Variants in GPC5 observed in about 807,000 individuals in gnomAD.
GPC5 encodes the protein glypican-5.
In GPC5, 47 loss-of-function variants were observed where a neutral mutation model predicts 53.9. The observed-to-expected ratio is 0.87, with a 90% CI of 0.69 to 1.11. The LOEUF (loss-of-function observed/expected upper bound fraction) is 1.11, where lower values mean the gene tolerates loss of function less well. GPC5 is among the 50% of genes most tolerant of loss of function. The pLI is 0.00. For missense variants in GPC5, 748 were observed against 713.1 expected, an observed-to-expected ratio of 1.05 and a Z score of -0.56; for synonymous variants, 286 against 263.3, an observed-to-expected ratio of 1.09 and a Z score of -0.84.
At chr13:91,567,336 G>C (rs1172679780) in intron 2 of GPC5, among the ~76,000 whole-genome samples, 1 of 152,060 alleles carries the variant, frequency 6.6e-6, no homozygotes, top group Non-Finnish European at 1.5e-5. Flanking sequence ...CTTATCTTTT[G>C]TTTAGATGTT....
intron 6 of GPC5, among the ~76,000 whole-genome samples, chr13:91,969,183 G>T (rs2040217383): frequency 6.6e-6 from 1 of 151,736 alleles, no homozygotes; most frequent in Non-Finnish European, 1.5e-5. Flanking sequence ...TGGTCAGGTT[G>T]GTTTTGAACT....
intron 1 of GPC5, among the ~76,000 whole-genome samples, chr13:91,424,511 T>C (rs1878882447): frequency 6.6e-6 from 1 of 151,878 alleles, no homozygotes; most frequent in Non-Finnish European, 1.5e-5. Flanking sequence ...ATTACAGGCA[T>C]GTACCACCAC....
intron 7 of GPC5, among the ~76,000 whole-genome samples, chr13:92,322,764 A>C (rs1305528885): frequency 6.6e-6 from 1 of 152,198 alleles, no homozygotes; most frequent in African/African-American, 2.4e-5. Context: ...GTCATGAAGA[A>C]AATGATTTGA....
At chr13:91,514,700 A>T (rs1192638055) in intron 2 of GPC5, among the ~76,000 whole-genome samples, 1 of 152,152 alleles carries the variant, frequency 6.6e-6, no homozygotes, top group Non-Finnish European at 1.5e-5. Context: ...GTACAATATT[A>T]TACTTATCTC....
At chr13:92,816,286 A>G (rs1877471758) in intron 7 of GPC5, among the ~76,000 whole-genome samples, 1 of 152,016 alleles carries the variant, frequency 6.6e-6, no homozygotes, top group Non-Finnish European at 1.5e-5. Context: ...CAGCCATGTA[A>G]CTCTGGGTCT....
intron 5 of GPC5, among the ~76,000 whole-genome samples, chr13:91,857,759 G>A (rs2038982786): frequency 6.6e-6 from 1 of 151,136 alleles, no homozygotes; most frequent in Non-Finnish European, 1.5e-5. Flanking sequence ...GTATGATTAT[G>A]TAGATGCTTT....
chr13:92,253,928 T>C (rs1171276322), intron 7 of GPC5, among the ~76,000 whole-genome samples: 1 of 152,048 alleles, frequency 6.6e-6, no homozygotes, highest in Non-Finnish European at 1.5e-5. Context: ...GGAATGTCTA[T>C]AGAGTGTCAG....
chr13:91,976,252 C>T (rs1015412135), intron 6 of GPC5, among the ~76,000 whole-genome samples: 9 of 152,054 alleles, frequency 5.9e-5, no homozygotes, highest in Non-Finnish European at 1.2e-4. Context: ...TGCACATGTA[C>T]CCTAAACTTA....
rs188139094 is a variant in GPC5, at chr13:92,411,524, A to G, written c.1561+266535A>G. ...ACCAATGGGAATTTTGATTTATGGT[A>G]AATGACTTGGACCTTATGTTTATCA... On this transcript the variant is annotated intron_variant, in intron 7 of 7. Transcript: ENST00000377067. Among the ~76,000 whole-genome samples, 431 of 152,346 alleles carry G rather than the reference A, an allele frequency of 2.8e-3. 2 individuals carry two copies. The highest frequency in any genetic ancestry group is 9.8e-3 in the African/African-American group (406 of 41,596).
intron 4 of GPC5, among the ~76,000 whole-genome samples, chr13:91,753,913 G>A (rs2037233246): frequency 6.6e-6 from 1 of 152,140 alleles, no homozygotes; most frequent in Admixed American, 6.6e-5. Flanking sequence ...CCCAAAATGT[G>A]TGTTCTTAGA....
At chr13:92,811,863 C>A (rs2138799411) in intron 7 of GPC5, among the ~76,000 whole-genome samples, 1 of 151,964 alleles carries the variant, frequency 6.6e-6, no homozygotes, top group East Asian at 1.9e-4. Context: ...GAAGATACTT[C>A]TTTTTCCTTT....
intron 7 of GPC5, among the ~76,000 whole-genome samples, chr13:92,491,022 A>G (rs915199025): frequency 1.3e-5 from 2 of 152,112 alleles, no homozygotes; most frequent in Admixed American, 6.6e-5. Flanking sequence ...AAGGACTCAG[A>G]TGGTCTCGTT....
chr13:91,733,074 T>A (rs2036736922), intron 4 of GPC5, among the ~76,000 whole-genome samples: 1 of 152,196 alleles, frequency 6.6e-6, no homozygotes, highest in Non-Finnish European at 1.5e-5. Flanking sequence ...AATGGTAGTT[T>A]GATGGGAATA....
intron 5 of GPC5, among the ~76,000 whole-genome samples, chr13:91,799,440 A>G (rs1158231267): frequency 1.3e-5 from 2 of 152,188 alleles, no homozygotes; most frequent in African/African-American, 2.4e-5. Context: ...ATCACACAAT[A>G]TACCCATGTA....
At chr13:92,404,969 G>A (rs1270274247) in intron 7 of GPC5, among the ~76,000 whole-genome samples, 2 of 150,174 alleles carry the variant, frequency 1.3e-5, no homozygotes, top group African/African-American at 4.9e-5. Context: ...CAATGTATAA[G>A]GAAACCGATC....
intron 7 of GPC5, among the ~76,000 whole-genome samples, chr13:92,384,649 G>GATAA (rs879412560): frequency 1.4e-4 from 21 of 152,010 alleles, no homozygotes; most frequent in Admixed American, 1.4e-3. Context: ...GAGATTGGAG[G>GATAA]GGAATAAGGT....
intron 7 of GPC5, among the ~76,000 whole-genome samples, chr13:92,737,974 G>C (rs1159329678): frequency 6.6e-6 from 1 of 151,404 alleles, no homozygotes; most frequent in East Asian, 2.0e-4. Flanking sequence ...ATTTTGGTCA[G>C]GCTGGTCTCA....
chr13:92,605,791 G>A (rs7997099), intron 7 of GPC5, among the ~76,000 whole-genome samples: 37,386 of 150,886 alleles, frequency 0.25, 5,009 homozygotes, highest in African/African-American at 0.34. Flanking sequence ...ACACGGTTAG[G>A]ACACCAAGGG....
intron 2 of GPC5, among the ~76,000 whole-genome samples, chr13:91,591,411 G>A (rs922582148): frequency 1.3e-5 from 2 of 152,140 alleles, no homozygotes; most frequent in African/African-American, 4.8e-5. Flanking sequence ...ATGACTATGT[G>A]CCTTGGGAGT....
Sources: gnomAD v4.1 joint callset for allele counts (sites outside exome capture counted in the v4.1 genomes callset) on GRCh38, gnomAD v4.1.1 for gene constraint, MANE v1.5 for transcripts, NCBI Gene and HGNC (gene_info 2026-07-23, HGNC 2026-07-21) for gene names.